Variants in CTNND2 observed in about 807,000 individuals in gnomAD.
CTNND2 encodes catenin delta 2.
In CTNND2, 22 loss-of-function variants were observed where a neutral mutation model predicts 144.4. The observed-to-expected ratio is 0.15, with a 90% CI of 0.11 to 0.22. The LOEUF (loss-of-function observed/expected upper bound fraction) is 0.22. Among genes scored for constraint, CTNND2 ranks in the 10% least tolerant of loss-of-function variants. The pLI, the probability that CTNND2 is intolerant of heterozygous loss-of-function variation, is 1.00. For synonymous variants in CTNND2, 751 were observed against 695.6 expected, an observed-to-expected ratio of 1.08 and a Z score of -1.25; for missense variants, 1,353 against 1,618.8, an observed-to-expected ratio of 0.84 and a Z score of 2.82.
chr5:11,483,974 C>T (rs1461181170), intron 3 of CTNND2, among the ~76,000 whole-genome samples: 12 of 152,166 alleles, frequency 7.9e-5, no homozygotes. Flanking sequence ...TGAAAGCAGG[C>T]ATAGTCATAG....
intron 9 of CTNND2, among the ~76,000 whole-genome samples, chr5:11,343,413 G>A (rs749922110): frequency 6.6e-6 from 1 of 151,960 alleles, no homozygotes; most frequent in Non-Finnish European, 1.5e-5. Flanking sequence ...ATATAACAAA[G>A]ACCACACATC....
At chr5:11,088,993 C>T (rs1407387985) in intron 15 of CTNND2, among the ~76,000 whole-genome samples, 1 of 152,172 alleles carries the variant, frequency 6.6e-6, no homozygotes, top group African/African-American at 2.4e-5. Context: ...GTGATCTTGA[C>T]TTTCATAAGA....
At chr5:11,849,160 A>G (rs1013723662) in intron 1 of CTNND2, among the ~76,000 whole-genome samples, 1 of 152,168 alleles carries the variant, frequency 6.6e-6, no homozygotes, top group Non-Finnish European at 1.5e-5. Flanking sequence ...CAAAAGGCAC[A>G]TCTTACAACG....
intron 9 of CTNND2, among the ~76,000 whole-genome samples, chr5:11,293,856 C>T (rs939228341): frequency 3.4e-5 from 5 of 147,706 alleles, no homozygotes; most frequent in African/African-American, 4.9e-5. Context: ...ATATATATTT[C>T]CTAAGGCAAA....
chr5:11,724,314 T>C (rs528020474), intron 2 of CTNND2, among the ~76,000 whole-genome samples: 4 of 152,146 alleles, frequency 2.6e-5, no homozygotes, highest in South Asian at 4.2e-4. Context: ...AGTGGAGGGA[T>C]GAGGTGTTGT....
At chr5:11,803,752 C>T (rs1054341898) in intron 1 of CTNND2, among the ~76,000 whole-genome samples, 8 of 152,174 alleles carry the variant, frequency 5.3e-5, no homozygotes, top group South Asian at 4.1e-4. Flanking sequence ...GGAGATCCTA[C>T]GACCCATTGA....
intron 2 of CTNND2, among the ~76,000 whole-genome samples, chr5:11,649,539 A>G (rs1027001565): frequency 6.6e-6 from 1 of 152,076 alleles, no homozygotes; most frequent in Non-Finnish European, 1.5e-5. Context: ...CTGGTCTCAA[A>G]CAACTGACCT....
At position 11,384,079 on chromosome 5, in the gene CTNND2, A is replaced by G. The variant is rs565093712; in HGVS notation, c.1177+586T>C. Among the ~76,000 whole-genome samples the G allele has an allele frequency of 2.3e-4, 35 of 152,334 alleles. No homozygotes were observed. Among genetic ancestry groups the G allele is most frequent in the African/African-American group, 8.2e-4 (34 of 41,562 alleles). ...TTAGGACCCAAGTACATCCAATGAC[A>G]GGTATGGGAGAGTCCTTTAGTTTTC... On this transcript the variant is annotated intron_variant, in intron 7 of 21. Coordinates refer to ENST00000304623, the MANE Select transcript of CTNND2 (RefSeq NM_001332.4). The surrounding 1 kb of genome is among the most constrained non-coding windows in gnomAD (Gnocchi z 5.2).
chr5:11,817,912 A>C (rs1211828374), intron 1 of CTNND2, among the ~76,000 whole-genome samples: 1 of 152,030 alleles, frequency 6.6e-6, no homozygotes, highest in Non-Finnish European at 1.5e-5. Context: ...AGACTCAATT[A>C]CAACTCCAGG....
At chr5:11,338,422 G>A (rs1439129073) in intron 9 of CTNND2, among the ~76,000 whole-genome samples, 2 of 152,164 alleles carry the variant, frequency 1.3e-5, no homozygotes, top group Non-Finnish European at 2.9e-5. Context: ...TTCTGAACTT[G>A]GGGTACAGTC....
chr5:11,672,877 G>A (rs188450045), intron 2 of CTNND2, among the ~76,000 whole-genome samples: 1 of 152,234 alleles, frequency 6.6e-6, no homozygotes, highest in Non-Finnish European at 1.5e-5. Flanking sequence ...CTGACCCCTT[G>A]CACTTCCTGG....
intron 2 of CTNND2, among the ~76,000 whole-genome samples, chr5:11,638,644 G>T (rs1301454778): frequency 6.6e-6 from 1 of 152,140 alleles, no homozygotes; most frequent in African/African-American, 2.4e-5. Flanking sequence ...TGCCATCTTG[G>T]CTCAATGCAC....
chr5:11,323,674 A>C (rs926390822), intron 9 of CTNND2, among the ~76,000 whole-genome samples: 4 of 152,222 alleles, frequency 2.6e-5, no homozygotes, highest in Non-Finnish European at 5.9e-5. Context: ...TGTCTGAAAC[A>C]AATATTAAGT....
chr5:11,680,844 G>A (rs191499899), intron 2 of CTNND2, among the ~76,000 whole-genome samples: 3 of 152,202 alleles, frequency 2.0e-5, no homozygotes, highest in Admixed American at 2.0e-4. Flanking sequence ...AAAGGGAAAG[G>A]CTCCAAGAAC....
At position 11,096,901 on chromosome 5, in the gene CTNND2, C is replaced by T. The variant is rs574918466; in HGVS notation, c.2637+1674G>A. Among the ~76,000 whole-genome samples the T allele has an allele frequency of 2.6e-5, 4 of 152,146 alleles. No homozygotes were observed. In the South Asian group the frequency reaches 6.2e-4, roughly 24 times the overall value. ...TCTTAGTCAGGCTGATGCCTGAAGC[C>T]CAGAGCCCATTTTCCTGTACCCATC... is the stretch of plus-strand genomic sequence containing the variant. On this transcript the variant is annotated intron_variant, in intron 15 of 21. Transcript: ENST00000304623.
chr5:11,599,649 T>G (rs1378721706), intron 2 of CTNND2, among the ~76,000 whole-genome samples: 4 of 152,156 alleles, frequency 2.6e-5, no homozygotes, highest in Non-Finnish European at 5.9e-5. Flanking sequence ...TTGTACTTAT[T>G]CATGAGGTCC....
chr5:11,696,915 A>G (rs1174028411), intron 2 of CTNND2, among the ~76,000 whole-genome samples: 1 of 152,228 alleles, frequency 6.6e-6, no homozygotes, highest in Admixed American at 6.5e-5. Flanking sequence ...TGCCCTTTAT[A>G]GAAAGAGCTG....
intron 8 of CTNND2, among the ~76,000 whole-genome samples, chr5:11,363,049 C>A (rs868342834): frequency 3.3e-5 from 5 of 152,142 alleles, no homozygotes; most frequent in African/African-American, 1.2e-4. Flanking sequence ...TTTGATTTTT[C>A]CCCCCAATCA....
At chr5:11,236,854 T>A in intron 9 of CTNND2, 31 bp from the exon 10 acceptor site, 1 of 1,613,322 alleles carries the variant, frequency 6.2e-7, no homozygotes, top group Middle Eastern at 1.7e-4. Flanking sequence ...GGGGAGAATA[T>A]GAGAGAGAAA....
Sources: gnomAD v4.1 joint callset for allele counts (sites outside exome capture counted in the v4.1 genomes callset) on GRCh38, gnomAD v4.1.1 for gene constraint, Gnocchi (gnomAD v3.1) non-coding constraint, MANE v1.5 for transcripts, NCBI Gene and HGNC (gene_info 2026-07-23, HGNC 2026-07-21) for gene names.